AP3B1: variants seen among roughly 807,000 people sequenced by gnomAD.
The protein encoded by AP3B1 is AP-3 complex subunit beta-1.
Under a neutral mutation model 132.5 loss-of-function variants are expected in AP3B1, and 61 were observed. The observed-to-expected ratio is 0.46, with a 90% CI of 0.37 to 0.57. The LOEUF is 0.57. Ranked by LOEUF, AP3B1 falls within the 20% of genes least tolerant of loss-of-function variation. AP3B1 has a pLI of 0.00. For missense variants in AP3B1, 1,120 were observed against 1,289.4 expected (o/e 0.87, Z 2.01); for synonymous variants, 388 against 438.3 (o/e 0.89, Z 1.43).
At chr5:78,106,194 A>G (rs1442543273) in intron 20 of AP3B1, among the ~76,000 whole-genome samples, 1 of 152,216 alleles carries the variant, frequency 6.6e-6, no homozygotes, top group African/African-American at 2.4e-5. Context: ...ACGGTTGCCC[A>G]TGCCTGTAAT....
At chr5:78,281,172 C>T (rs1199085172) in intron 1 of AP3B1, among the ~76,000 whole-genome samples, 1 of 152,120 alleles carries the variant, frequency 6.6e-6, no homozygotes, top group Non-Finnish European at 1.5e-5. Context: ...CAGTGGCTCG[C>T]GCCTGTAATT....
At chr5:78,194,619 A>T (rs1484837242) in intron 7 of AP3B1, among the ~76,000 whole-genome samples, 1 of 152,204 alleles carries the variant, frequency 6.6e-6, no homozygotes, top group East Asian at 1.9e-4. Context: ...GCTCTTTTAC[A>T]TGGAAACATG....
At chr5:78,116,847 G>A (rs766989596) in intron 17 of AP3B1, among the ~76,000 whole-genome samples, 7 of 151,814 alleles carry the variant, frequency 4.6e-5, no homozygotes, top group Non-Finnish European at 8.8e-5. Context: ...AACAAACTTT[G>A]CAAAACACAG....
intron 26 of AP3B1, among the ~76,000 whole-genome samples, chr5:78,009,975 G>A (rs952528481): frequency 3.3e-5 from 5 of 152,138 alleles, no homozygotes; most frequent in African/African-American, 1.2e-4. Flanking sequence ...AAATGAGTAG[G>A]TAAGTGTGAC....
In AP3B1 at chr5:78,097,643, C is replaced by T. The variant is rs1208569623; in HGVS notation, c.2470+3310G>A. Among the ~76,000 whole-genome samples, 9 of 140,444 alleles carry T rather than the reference C, an allele frequency of 6.4e-5. 1 individual carries two copies. Among genetic ancestry groups the T allele is most frequent in the Non-Finnish European group, 9.7e-5 (6 of 61,914 alleles). 92.1% of individuals were successfully genotyped at this position (140,444 alleles called of 152,430 possible). ...CCCCTGCCCGGCCAGCCGCCCCGTC[C>T]GGGAGGGAGGTGGGGGGGTCAGCCC... On this transcript the variant is annotated intron_variant, in intron 21 of 26. Coordinates refer to ENST00000255194, the MANE Select transcript of AP3B1 (RefSeq NM_003664.5).
At chr5:78,233,991 T>C (rs886294332) in intron 3 of AP3B1, among the ~76,000 whole-genome samples, 1 of 152,082 alleles carries the variant, frequency 6.6e-6, no homozygotes, top group East Asian at 1.9e-4. Flanking sequence ...AATATATACA[T>C]TTATAAAAGA....
chr5:78,280,163 C>T (rs1042675109), intron 1 of AP3B1, among the ~76,000 whole-genome samples: 1 of 151,672 alleles, frequency 6.6e-6, no homozygotes, highest in African/African-American at 2.4e-5. Context: ...TCATCCCCCT[C>T]CCTACTTAAT....
chr5:78,058,833 T>A (rs1464503068), intron 22 of AP3B1, among the ~76,000 whole-genome samples: 1 of 152,176 alleles, frequency 6.6e-6, no homozygotes, highest in Non-Finnish European at 1.5e-5. Context: ...GGTGCCGGGT[T>A]CTGCTCTTCA....
intron 15 of AP3B1, among the ~76,000 whole-genome samples, chr5:78,140,342 G>C (rs543075167): frequency 4.1e-4 from 63 of 152,274 alleles, no homozygotes; most frequent in East Asian, 2.5e-3. Context: ...AAATGTCTTA[G>C]TCCATTTGGG....
intron 21 of AP3B1, among the ~76,000 whole-genome samples, chr5:78,099,184 C>G (rs1474403296): frequency 6.6e-6 from 1 of 152,230 alleles, no homozygotes; most frequent in Non-Finnish European, 1.5e-5. Context: ...GCACCTTGAT[C>G]TTGGACTTCC....
chr5:78,269,625 T>C (rs1748468529), intron 1 of AP3B1, among the ~76,000 whole-genome samples: 1 of 152,180 alleles, frequency 6.6e-6, no homozygotes, highest in Non-Finnish European at 1.5e-5. Context: ...AAAGACAACA[T>C]AAATTAAGGG....
intron 22 of AP3B1, among the ~76,000 whole-genome samples, chr5:78,058,021 T>C (rs1261115968): frequency 6.6e-6 from 1 of 152,218 alleles, no homozygotes; most frequent in East Asian, 1.9e-4. Flanking sequence ...TGTTTTTGCA[T>C]GATTTTTGAA....
At chr5:78,009,781 T>A (rs1337663428) in intron 26 of AP3B1, among the ~76,000 whole-genome samples, 42 of 29,078 alleles carry the variant, frequency 1.4e-3, no homozygotes, top group African/African-American at 1.7e-3. Context: ...TACGGGGGGG[T>A]GGGGGAGGGG....
At chr5:78,289,766 T>C (rs1749432799) in intron 1 of AP3B1, among the ~76,000 whole-genome samples, 1 of 152,206 alleles carries the variant, frequency 6.6e-6, no homozygotes, top group Non-Finnish European at 1.5e-5. Flanking sequence ...TATATCCTGT[T>C]GTCCCCTGGG....
At chr5:78,085,508 A>T (rs2112192822) in intron 22 of AP3B1, among the ~76,000 whole-genome samples, 1 of 152,344 alleles carries the variant, frequency 6.6e-6, no homozygotes, top group South Asian at 2.1e-4. Flanking sequence ...ACAGAACATT[A>T]TCAGCACCCC....
intron 2 of AP3B1, among the ~76,000 whole-genome samples, chr5:78,247,521 C>A (rs1245024952): frequency 2.0e-5 from 3 of 149,104 alleles, no homozygotes; most frequent in Non-Finnish European, 4.5e-5. Context: ...TTTTTTTTTA[C>A]TCCGTTTTTG....
chr5:78,047,860 G>A (rs1444737159), intron 22 of AP3B1, among the ~76,000 whole-genome samples: 1 of 152,188 alleles, frequency 6.6e-6, no homozygotes, highest in Non-Finnish European at 1.5e-5. Flanking sequence ...AAATTAACTA[G>A]TTAGCTTGTA....
chr5:78,281,523 C>T (rs1276115809), intron 1 of AP3B1, among the ~76,000 whole-genome samples: 1 of 151,272 alleles, frequency 6.6e-6, no homozygotes, highest in Admixed American at 6.6e-5. Context: ...AACTTATTTC[C>T]ATGTGTAGTT....
intron 6 of AP3B1, among the ~76,000 whole-genome samples, chr5:78,216,982 C>T (rs1042108087): frequency 7.2e-5 from 11 of 151,996 alleles, no homozygotes. Context: ...ACTCTAAAGA[C>T]ACAAACTAAG....
Sources: gnomAD v4.1 joint callset for allele counts (sites outside exome capture counted in the v4.1 genomes callset) on GRCh38, gnomAD v4.1.1 for gene constraint, MANE v1.5 for transcripts, NCBI Gene and HGNC (gene_info 2026-07-23, HGNC 2026-07-21) for gene names.